Variants in RFX3 observed in about 807,000 individuals in gnomAD.
RFX3 encodes the protein transcription factor RFX3.
In RFX3, 14 loss-of-function variants were observed where a neutral mutation model predicts 98.6. The ratio of observed to expected loss-of-function variants is 0.14; its 90% confidence interval spans 0.09 to 0.22. The LOEUF (loss-of-function observed/expected upper bound fraction) is 0.22. Among genes scored for constraint, RFX3 ranks in the 10% least tolerant of loss-of-function variants. The pLI, the probability that RFX3 is intolerant of heterozygous loss-of-function variation, is 1.00. For synonymous variants in RFX3, 383 were observed against 328.4 expected (o/e 1.17, Z -1.80); for missense variants, 639 against 926.9 (o/e 0.69, Z 4.03).
intron 16 of RFX3, among the ~76,000 whole-genome samples, chr9:3,225,946 T>A (rs1279985931): frequency 7.9e-5 from 12 of 152,212 alleles, no homozygotes; most frequent in Non-Finnish European, 1.5e-5. Context: ...TGGTATTCAT[T>A]TCTGGAAATT....
intron 4 of RFX3, among the ~76,000 whole-genome samples, chr9:3,302,010 T>C (rs913024168): frequency 8.6e-5 from 13 of 151,912 alleles, no homozygotes; most frequent in African/African-American, 2.7e-4. Context: ...ATTAGTGCTA[T>C]TCTCTCACGA....
At position 3,474,957 on chromosome 9, in the gene RFX3, G is replaced by C. The variant is rs76484329; in HGVS notation, c.-9+50790C>G. Among the ~76,000 whole-genome samples the C allele has an allele frequency of 7.9e-4, 120 of 152,004 alleles. 3 individuals carry two copies. In the East Asian group the frequency reaches 0.022, roughly 28 times the overall value. On this transcript the variant is annotated intron_variant, in intron 1 of 16. Transcript: ENST00000617270. ...TCCACAAAAAGTAAAAAATTAGCTGGGTGTGGTGACACATGCCTATAGTCC... is the reference window on the plus strand; with the variant it reads ...TCCACAAAAAGTAAAAAATTAGCTGCGTGTGGTGACACATGCCTATAGTCC...
chr9:3,284,954 C>G (rs963450916), intron 7 of RFX3, among the ~76,000 whole-genome samples: 9 of 151,642 alleles, frequency 5.9e-5, no homozygotes, highest in African/African-American at 2.2e-4. Flanking sequence ...TGGAGATTTC[C>G]TCTACCACCC....
chr9:3,427,163 T>C (rs1043689453), intron 1 of RFX3, among the ~76,000 whole-genome samples: 13 of 148,884 alleles, frequency 8.7e-5, no homozygotes, highest in Middle Eastern at 3.6e-3. Flanking sequence ...GTCATACTTT[T>C]CCTTTTTCTT....
intron 1 of RFX3, among the ~76,000 whole-genome samples, chr9:3,413,784 G>T (rs1014705842): frequency 1.3e-5 from 2 of 152,070 alleles, no homozygotes; most frequent in Non-Finnish European, 2.9e-5. Context: ...TAGTAAGGCT[G>T]CAAGTGAAAA....
chr9:3,420,447 C>T (rs1234415551), intron 1 of RFX3, among the ~76,000 whole-genome samples: 2 of 152,172 alleles, frequency 1.3e-5, no homozygotes, highest in African/African-American at 4.8e-5. Flanking sequence ...AATATTTTTA[C>T]ATACATTATT....
At chr9:3,351,443 G>T (rs1835113248) in intron 2 of RFX3, among the ~76,000 whole-genome samples, 1 of 151,830 alleles carries the variant, frequency 6.6e-6, no homozygotes, top group Admixed American at 6.6e-5. Context: ...TCAAGAGCCA[G>T]ATGCCATAAG....
In RFX3 at chr9:3,222,055, T is replaced by C. The variant is rs549021717; in HGVS notation, c.*2987A>G. The C allele has an allele frequency of 6.6e-6, 1 of 152,210 alleles. No individual in the cohort carries two copies. Among genetic ancestry groups the C allele is most frequent in the South Asian group, 2.1e-4 (1 of 4,830 alleles). 9.4% of individuals were successfully genotyped at this position (152,210 alleles called of 1,614,324 possible). A position where few individuals can be genotyped will look rare whatever the true frequency, so the allele number is the denominator to read the frequency against. ...GAGTGAAAAAAGGGAAAAAGGGAAATAAATGCAATAAATGTGATTGCTCAA... is the reference window on the plus strand; with the variant it reads ...GAGTGAAAAAAGGGAAAAAGGGAAACAAATGCAATAAATGTGATTGCTCAA... On this transcript the variant is annotated 3_prime_UTR_variant, in exon 17 of 17. Transcript: ENST00000617270.
At chr9:3,474,219 C>G (rs1257784814) in intron 1 of RFX3, among the ~76,000 whole-genome samples, 1 of 151,998 alleles carries the variant, frequency 6.6e-6, no homozygotes, top group Non-Finnish European at 1.5e-5. Context: ...AATCAGCAAG[C>G]CTATATTGAA....
chr9:3,250,473 T>C (rs1391017271), intron 14 of RFX3, among the ~76,000 whole-genome samples: 2 of 152,114 alleles, frequency 1.3e-5, no homozygotes, highest in African/African-American at 4.8e-5. Flanking sequence ...ATGTTATAGC[T>C]GGTTTGGAAA....
intron 1 of RFX3, among the ~76,000 whole-genome samples, chr9:3,465,902 A>G (rs546403552): frequency 1.3e-5 from 2 of 152,302 alleles, no homozygotes; most frequent in East Asian, 1.9e-4. Context: ...AGTGAAGGAC[A>G]GCATTCTTAG....
intron 10 of RFX3, 93 bp downstream of exon 10, chr9:3,270,910 G>C (rs917776597): frequency 6.4e-7 from 1 of 1,558,086 alleles, no homozygotes; most frequent in African/African-American, 1.4e-5. Flanking sequence ...ATGTCATCAG[G>C]TAAGGTTCAC....
chr9:3,241,034 C>T (rs1361732221), intron 15 of RFX3, among the ~76,000 whole-genome samples: 1 of 152,172 alleles, frequency 6.6e-6, no homozygotes, highest in East Asian at 1.9e-4. Flanking sequence ...TCTACAGTGA[C>T]CATTTTAGTC....
chr9:3,303,855 T>G (rs577627419), intron 4 of RFX3, among the ~76,000 whole-genome samples: 3 of 152,112 alleles, frequency 2.0e-5, no homozygotes, highest in Admixed American at 6.6e-5. Flanking sequence ...CATTCTAGAA[T>G]GCCTTGGACC....
At chr9:3,397,284 T>C (rs763438703) in intron 1 of RFX3, among the ~76,000 whole-genome samples, 2 of 152,244 alleles carry the variant, frequency 1.3e-5, no homozygotes, top group African/African-American at 2.4e-5. Context: ...AGATTTCTAG[T>C]TTTCTTTCCT....
chr9:3,412,180 A>AT, intron 1 of RFX3, among the ~76,000 whole-genome samples: 1 of 152,312 alleles, frequency 6.6e-6, no homozygotes, highest in Middle Eastern at 3.4e-3. Flanking sequence ...GAACTACTTC[A>AT]TAATAAGACC....
In RFX3 at chr9:3,279,193, A is replaced by C. The variant is rs186917332; in HGVS notation, c.852-1732T>G. Among the ~76,000 whole-genome samples, 13 of 151,946 alleles carry C rather than the reference A, an allele frequency of 8.6e-5. No homozygotes were observed. In the East Asian group the frequency reaches 2.5e-3, roughly 29 times the overall value. On this transcript the variant is annotated intron_variant, in intron 7 of 16. Transcript: ENST00000617270. ...GTTGCTAGCCATTCTGTTGTAGCAG[A>C]CTTGAATGATTTTAACCTTATTTTG...
At chr9:3,510,460 C>T (rs576720607) in intron 1 of RFX3, among the ~76,000 whole-genome samples, 1 of 152,042 alleles carries the variant, frequency 6.6e-6, no homozygotes, top group South Asian at 2.1e-4. Flanking sequence ...TTATTATTCC[C>T]ACACTGAAAA....
intron 1 of RFX3, among the ~76,000 whole-genome samples, chr9:3,508,191 C>T (rs1403289780): frequency 6.6e-6 from 1 of 151,930 alleles, no homozygotes; most frequent in East Asian, 1.9e-4. Context: ...ATTAAGACCA[C>T]GTTCCATATT....
Sources: gnomAD v4.1 joint callset for allele counts (sites outside exome capture counted in the v4.1 genomes callset) on GRCh38, gnomAD v4.1.1 for gene constraint, MANE v1.5 for transcripts, NCBI Gene and HGNC (gene_info 2026-07-23, HGNC 2026-07-21) for gene names.